Variants in AKAP6 observed in about 807,000 individuals in gnomAD.
AKAP6 encodes the protein A-kinase anchoring protein 6.
A neutral mutation model predicts 188.5 loss-of-function variants in AKAP6; 58 were observed. The ratio of observed to expected loss-of-function variants is 0.31; its 90% CI spans 0.25 to 0.38. AKAP6 has a LOEUF of 0.38. Ranked by LOEUF, AKAP6 falls within the 10% of genes least tolerant of loss-of-function variation. The pLI is 1.00. For missense variants in AKAP6, 2,710 were observed against 2,740.0 expected (o/e 0.99, Z 0.24); for synonymous variants, 989 against 998.6 (o/e 0.99, Z 0.18).
chr14:32,408,807 G>A (rs1165667380), intron 1 of AKAP6, among the ~76,000 whole-genome samples: 1 of 152,074 alleles, frequency 6.6e-6, no homozygotes, highest in Non-Finnish European at 1.5e-5. Flanking sequence ...AGGGATATTG[G>A]TGATGGGTGG....
At chr14:32,690,307 A>G (rs1393368899) in intron 8 of AKAP6, among the ~76,000 whole-genome samples, 2 of 152,278 alleles carry the variant, frequency 1.3e-5, no homozygotes, top group Non-Finnish European at 2.9e-5. Flanking sequence ...CACTTGGGTG[A>G]AACTTTATCG....
intron 2 of AKAP6, among the ~76,000 whole-genome samples, chr14:32,487,045 C>G (rs527950456): frequency 6.6e-6 from 1 of 152,152 alleles, no homozygotes; most frequent in African/African-American, 2.4e-5. Context: ...GAATTTTATC[C>G]CAGGCCTTTT....
intron 7 of AKAP6, among the ~76,000 whole-genome samples, chr14:32,634,758 G>A (rs988358832): frequency 2.0e-5 from 3 of 152,018 alleles, no homozygotes; most frequent in Admixed American, 2.0e-4. Flanking sequence ...CATCTGTCAT[G>A]TCATCCAAGT....
intron 2 of AKAP6, among the ~76,000 whole-genome samples, chr14:32,512,322 G>T (rs1256483896): frequency 6.6e-6 from 1 of 152,118 alleles, no homozygotes; most frequent in Non-Finnish European, 1.5e-5. Context: ...TCAGAGAGAA[G>T]AAAGTTCTTT....
intron 1 of AKAP6, among the ~76,000 whole-genome samples, chr14:32,384,537 C>T (rs1378296963): frequency 7.2e-5 from 11 of 152,154 alleles, no homozygotes; most frequent in Non-Finnish European, 7.3e-5. Context: ...GACCTCAATG[C>T]CATTTCTTGA....
chr14:32,370,437 T>G (rs1221151624), intron 1 of AKAP6, among the ~76,000 whole-genome samples: 2 of 152,246 alleles, frequency 1.3e-5, no homozygotes, highest in African/African-American at 4.8e-5. Context: ...GTTTAAATGC[T>G]TAATTACCAG....
intron 1 of AKAP6, among the ~76,000 whole-genome samples, chr14:32,430,386 T>C (rs1167489588): frequency 1.3e-5 from 2 of 152,160 alleles, no homozygotes; most frequent in African/African-American, 2.4e-5. Context: ...ATGGTATATA[T>C]GGAAATGTTG....
intron 2 of AKAP6, among the ~76,000 whole-genome samples, chr14:32,483,424 G>T (rs1024955148): frequency 6.8e-6 from 1 of 147,788 alleles, no homozygotes; most frequent in East Asian, 2.0e-4. Context: ...ATGTAAAACA[G>T]TTTTATAGTG....
intron 8 of AKAP6, among the ~76,000 whole-genome samples, chr14:32,688,623 G>C (rs1009451488): frequency 3.3e-5 from 5 of 152,094 alleles, no homozygotes; most frequent in Admixed American, 1.3e-4. Context: ...TTATGCTGTT[G>C]AGACCTGAGA....
chr14:32,394,235 C>T (rs1358798168), intron 1 of AKAP6, among the ~76,000 whole-genome samples: 1 of 152,096 alleles, frequency 6.6e-6, no homozygotes, highest in Non-Finnish European at 1.5e-5. Flanking sequence ...TTTCTGCTAC[C>T]ATCATCAAAA....
intron 12 of AKAP6, among the ~76,000 whole-genome samples, chr14:32,798,857 T>G (rs2140080778): frequency 6.6e-6 from 1 of 152,236 alleles, no homozygotes; most frequent in Middle Eastern, 3.4e-3. Flanking sequence ...CCACATGTAC[T>G]TTCTGAACCT....
At chr14:32,380,331 G>A (rs545453326) in intron 1 of AKAP6, among the ~76,000 whole-genome samples, 4 of 152,168 alleles carry the variant, frequency 2.6e-5, no homozygotes, top group South Asian at 2.1e-4. Flanking sequence ...GTACATGATC[G>A]AGCGACCTGT....
At chr14:32,538,627 T>C (rs1392370454) in intron 3 of AKAP6, among the ~76,000 whole-genome samples, 1 of 152,158 alleles carries the variant, frequency 6.6e-6, no homozygotes, top group African/African-American at 2.4e-5. Flanking sequence ...AAAGAACACT[T>C]GAAGGCAAAG....
At chr14:32,393,244 G>C (rs556503185) in intron 1 of AKAP6, among the ~76,000 whole-genome samples, 1 of 151,756 alleles carries the variant, frequency 6.6e-6, no homozygotes, top group Non-Finnish European at 1.5e-5. Context: ...AACTGAAAAG[G>C]GTATTTAATA....
chr14:32,499,164 G>A (rs1880475945), intron 2 of AKAP6, among the ~76,000 whole-genome samples: 1 of 152,140 alleles, frequency 6.6e-6, no homozygotes, highest in Non-Finnish European at 1.5e-5. Context: ...ATTACCTGAA[G>A]AAAGTGAAGC....
intron 4 of AKAP6, among the ~76,000 whole-genome samples, chr14:32,553,692 C>T (rs1291958569): frequency 6.6e-6 from 1 of 152,106 alleles, no homozygotes; most frequent in Admixed American, 6.5e-5. Context: ...AATTTTAAGG[C>T]AATATTTTTA....
At chr14:32,533,840 A>T (rs1566560127) in intron 2 of AKAP6, among the ~76,000 whole-genome samples, 1 of 152,178 alleles carries the variant, frequency 6.6e-6, no homozygotes, top group Non-Finnish European at 1.5e-5. Context: ...GTTCCCATGC[A>T]CTGGCTAATA....
At chr14:32,466,739 CAAAAAAA>C (rs71432057) in intron 2 of AKAP6, among the ~76,000 whole-genome samples, 2 of 106,188 alleles carry the variant, frequency 1.9e-5, no homozygotes, top group African/African-American at 7.9e-5. Context: ...ACTTAAAGTT[CAAAAAAA>C]AAAAAAAAGA....
chr14:32,486,001 G>A (rs1310186897), intron 2 of AKAP6, among the ~76,000 whole-genome samples: 2 of 152,156 alleles, frequency 1.3e-5, no homozygotes, highest in Non-Finnish European at 2.9e-5. Context: ...TGTATAAGGT[G>A]TAAGGAAGGG....
Sources: allele counts gnomAD v4.1 joint callset (sites outside exome capture counted in the v4.1 genomes callset), GRCh38; gene constraint gnomAD v4.1.1; transcripts MANE v1.5; gene names NCBI Gene and HGNC (gene_info 2026-07-23, HGNC 2026-07-21).